TUT4: variants seen among roughly 807,000 people sequenced by gnomAD.
The protein encoded by TUT4 is terminal uridylyltransferase 4.
In TUT4, 36 loss-of-function variants were observed where a neutral mutation model predicts 192.2. That is an observed-to-expected ratio of 0.19 (90% CI 0.14 to 0.25). The LOEUF is 0.25. TUT4 is among the 10% of genes least tolerant of loss of function. TUT4 has a pLI of 1.00. For synonymous variants in TUT4, 618 were observed against 666.0 expected, an observed-to-expected ratio of 0.93 and a Z score of 1.11; for missense variants, 1,493 against 1,957.2, an observed-to-expected ratio of 0.76 and a Z score of 4.47.
intron 3 of TUT4, 142 bp from the exon 4 acceptor site, chr1:52,509,854 G>A (rs1676627726): frequency 1.5e-6 from 1 of 669,644 alleles, no homozygotes. Flanking sequence ...TTCTTCTAAA[G>A]TAATAGTTTT....
chr1:52,457,428 G>A (rs572925603), intron 20 of TUT4, among the ~76,000 whole-genome samples: 1 of 151,954 alleles, frequency 6.6e-6, no homozygotes, highest in South Asian at 2.1e-4. Context: ...TAGAGACGGG[G>A]TTTCACCATG....
At chr1:52,444,899 A>G (rs774203590) in intron 24 of TUT4, among the ~76,000 whole-genome samples, 78 of 134,240 alleles carry the variant, frequency 5.8e-4, no homozygotes, top group Admixed American at 1.0e-3. Context: ...ATATGTGTGT[A>G]TATATATATG....
At chr1:52,472,578 A>C (rs1448151260) in intron 13 of TUT4, among the ~76,000 whole-genome samples, 1 of 150,850 alleles carries the variant, frequency 6.6e-6, no homozygotes, top group South Asian at 2.1e-4. Flanking sequence ...TTTATTATTA[A>C]ATTATTTAAT....
intron 1 of TUT4, chr1:52,529,796 C>G (rs1453781208): frequency 6.6e-6 from 1 of 152,022 alleles, no homozygotes; most frequent in African/African-American, 2.4e-5. Flanking sequence ...CCCGGAGAGT[C>G]CCAGGCTCAG....
At chr1:52,444,889 A>G (rs552522948) in intron 24 of TUT4, among the ~76,000 whole-genome samples, 69 of 147,636 alleles carry the variant, frequency 4.7e-4, no homozygotes, top group African/African-American at 1.5e-3. Context: ...ATAAACTCAT[A>G]TATGTGTGTA....
rs774699310 is a variant in TUT4, at chr1:52,526,225, A to G, written c.56T>C (p.Ile19Thr). The G allele has an allele frequency of 5.6e-6, 9 of 1,595,698 alleles. No individual in the cohort carries two copies. Among genetic ancestry groups the G allele is most frequent in the African/African-American group, 4.1e-5 (3 of 73,928 alleles). Residue 19 changes from isoleucine (I) to threonine (T), a missense_variant, in exon 2 of 30, where the codon ATT becomes ACT. Ile to Thr is a moderately conservative substitution (Grantham distance 89). Coordinates refer to ENST00000257177, the MANE Select transcript of TUT4 (RefSeq NM_001009881.3). ...SENHEPKKNV[I>T]CEESKAVQVI... Reference sequence around the variant, plus strand: ...TTGAACTGCTTTGCTTTCTTCACAAATAACATTCTTCTTTGGTTCATGATT... The same window carrying G: ...TTGAACTGCTTTGCTTTCTTCACAAGTAACATTCTTCTTTGGTTCATGATT...
At position 52,550,417 on chromosome 1, in the gene TUT4, T is replaced by C. The variant is rs183512554; in HGVS notation, c.-94+2514A>G. On this transcript the variant is annotated intron_variant, in intron 1 of 29. Coordinates refer to ENST00000257177, the MANE Select transcript of TUT4 (RefSeq NM_001009881.3). ...ATCAATTCAAGTATTTGCAATTTATTTGAAAAAGGAACACAACTCATTGAG... is the reference window on the plus strand; with the variant it reads ...ATCAATTCAAGTATTTGCAATTTATCTGAAAAAGGAACACAACTCATTGAG... Among the ~76,000 whole-genome samples, 4 of 152,128 alleles carry C rather than the reference T, an allele frequency of 2.6e-5. No individual in the cohort carries two copies. In the East Asian group the frequency reaches 7.7e-4, roughly 29 times the overall value.
At chr1:52,503,374 A>G (rs1249272100) in intron 4 of TUT4, among the ~76,000 whole-genome samples, 1 of 152,090 alleles carries the variant, frequency 6.6e-6, no homozygotes, top group Non-Finnish European at 1.5e-5. Flanking sequence ...ACTCTGCCAA[A>G]TTAAAAGAAA....
chr1:52,428,776 C>T (rs531340806), intron 28 of TUT4, among the ~76,000 whole-genome samples: 52 of 151,948 alleles, frequency 3.4e-4, no homozygotes, highest in African/African-American at 1.1e-3. Flanking sequence ...GGCAACAGAG[C>T]GAGACTGTCT....
intron 9 of TUT4, among the ~76,000 whole-genome samples, chr1:52,483,389 T>C (rs1310930335): frequency 6.6e-6 from 1 of 152,082 alleles, no homozygotes; most frequent in Non-Finnish European, 1.5e-5. Context: ...TCTTTTGATA[T>C]TATTTATATC....
intron 15 of TUT4, among the ~76,000 whole-genome samples, chr1:52,466,847 T>C (rs1234980193): frequency 6.6e-6 from 1 of 151,734 alleles, no homozygotes; most frequent in African/African-American, 2.4e-5. Flanking sequence ...CTTGTACTTT[T>C]AGTAGAGACG....
intron 1 of TUT4, among the ~76,000 whole-genome samples, chr1:52,544,326 T>C (rs965466953): frequency 6.7e-6 from 1 of 149,906 alleles, no homozygotes; most frequent in Non-Finnish European, 1.5e-5. Flanking sequence ...AATAGTATGG[T>C]ATTAGTATAA....
At chr1:52,535,686 C>T (rs1684720571) in intron 1 of TUT4, among the ~76,000 whole-genome samples, 1 of 152,154 alleles carries the variant, frequency 6.6e-6, no homozygotes, top group Admixed American at 6.6e-5. Flanking sequence ...CTCCACAAAG[C>T]TCAATAAACT....
In TUT4 at chr1:52,497,066, G is replaced by A; in HGVS notation, c.1117C>T (p.Leu373Phe). Reference protein sequence around the residue: ...AKEHGITDDDLRVRQEIVEEM... With the variant: ...AKEHGITDDDFRVRQEIVEEM... The stretch of plus-strand genomic sequence containing the variant: ...TCCACAATTTCCTGACGGACTCTGA[G>A]GTCATCATCTGTTATTCCATGTTCT... The change falls in exon 5 of 30, where the codon CTC becomes TTC. Residue 373 changes from leucine (L) to phenylalanine (F), a missense_variant. This residue lies in a region of TUT4 where 437 missense variants were observed against 577.6 expected (regional missense o/e 0.76). Transcript: ENST00000257177. 1 of 1,613,986 alleles carries A rather than the reference G, an allele frequency of 6.2e-7. No homozygotes were observed. Among genetic ancestry groups the A allele is most frequent in the Non-Finnish European group, 8.5e-7 (1 of 1,179,962 alleles).
In TUT4 at chr1:52,445,884, A is replaced by G; in HGVS notation, c.3740-15T>C. ...GAAATTGGTCACTATTAAAGAAAGA[A>G]GAAAACAATAAAGATGCAGACATTA... On this transcript the variant is annotated splice_polypyrimidine_tract_variant and intron_variant, in intron 23 of 29. Coordinates refer to ENST00000257177, the MANE Select transcript of TUT4 (RefSeq NM_001009881.3). The G allele has an allele frequency of 6.2e-7, 1 of 1,605,906 alleles. No individual in the cohort carries two copies. The highest frequency in any genetic ancestry group is 8.5e-7 in the Non-Finnish European group (1 of 1,176,050).
chr1:52,447,238 A>C (rs1188488277), intron 20 of TUT4, among the ~76,000 whole-genome samples: 1 of 152,158 alleles, frequency 6.6e-6, no homozygotes, highest in Non-Finnish European at 1.5e-5. Flanking sequence ...TCATGAGGTC[A>C]GGAGTTTGAG....
At chr1:52,544,875 A>G (rs1183077670) in intron 1 of TUT4, among the ~76,000 whole-genome samples, 1 of 150,386 alleles carries the variant, frequency 6.6e-6, no homozygotes. Context: ...TATGCAACAT[A>G]GTGAGACCCT....
chr1:52,504,628 T>C (rs576879830), intron 4 of TUT4, among the ~76,000 whole-genome samples: 2 of 152,210 alleles, frequency 1.3e-5, no homozygotes, highest in African/African-American at 2.4e-5. Flanking sequence ...AGACTCTATC[T>C]TGAAAAAAAA....
At chr1:52,539,741 T>C (rs557364156) in intron 1 of TUT4, among the ~76,000 whole-genome samples, 1 of 151,600 alleles carries the variant, frequency 6.6e-6, no homozygotes, top group African/African-American at 2.4e-5. Flanking sequence ...ACCCTGTCTC[T>C]ACCAAAAATA....
Sources: allele counts gnomAD v4.1 joint callset (sites outside exome capture counted in the v4.1 genomes callset), GRCh38; gene constraint gnomAD v4.1.1; regional missense constraint gnomAD v4.1.1; transcripts MANE v1.5; gene names NCBI Gene and HGNC (gene_info 2026-07-23, HGNC 2026-07-21).